Variants in FAAH2 observed in about 807,000 individuals in gnomAD.
FAAH2 encodes fatty-acid amide hydrolase 2.
In FAAH2, 60 loss-of-function variants were observed where a neutral mutation model predicts 36.9. The observed-to-expected ratio is 1.63, with a 90% CI of 1.32 to 2.02. FAAH2 has a LOEUF of 2.02. Ranked by LOEUF, FAAH2 falls within the 30% of genes most tolerant of loss-of-function variation. The pLI is 0.00. For missense variants in FAAH2, 689 were observed against 397.5 expected (o/e 1.73, Z -6.23); for synonymous variants, 214 against 143.8 (o/e 1.49, Z -3.49).
chrX:57,344,891 T>C (rs942474475), intron 5 of FAAH2, among the ~76,000 whole-genome samples: 2 of 111,743 alleles, frequency 1.8e-5, no homozygotes, highest in African/African-American at 6.5e-5. Context: ...ATCACTTTTT[T>C]TTATTTGCTT....
chrX:57,137,026 T>G, the FAAH2 span: 51 of 829,925 alleles, frequency 6.1e-5, no homozygotes, highest in Middle Eastern at 6.4e-4. Flanking sequence ...GTTACCTACC[T>G]CCCTTGCTTC....
At chrX:57,302,159 A>G (rs1416348513) in intron 2 of FAAH2, among the ~76,000 whole-genome samples, 1 of 111,769 alleles carries the variant, frequency 8.9e-6, no homozygotes, top group Non-Finnish European at 1.9e-5. Context: ...CCTAGAGTCC[A>G]GAGATGTCAA....
chrX:57,428,007 G>T (rs1038347117), intron 7 of FAAH2, among the ~76,000 whole-genome samples: 7 of 111,490 alleles, frequency 6.3e-5, no homozygotes, highest in Non-Finnish European at 1.3e-4. Flanking sequence ...AAACTTTAAA[G>T]ACTCTACCCC....
At chrX:57,234,853 C>A in the FAAH2 span, among the ~76,000 whole-genome samples, 4 of 111,777 alleles carry the variant, frequency 3.6e-5, no homozygotes, top group African/African-American at 9.8e-5. Flanking sequence ...TTGAGACCAA[C>A]ATGGCAAAAC....
At chrX:57,193,185 C>G in the FAAH2 span, among the ~76,000 whole-genome samples, 4 of 111,865 alleles carry the variant, frequency 3.6e-5, no homozygotes, top group East Asian at 8.5e-4. Flanking sequence ...GAATGTGCCC[C>G]TGAGGGTAGG....
chrX:57,186,776 C>A, the FAAH2 span, among the ~76,000 whole-genome samples: 1 of 112,110 alleles, frequency 8.9e-6, no homozygotes, highest in Admixed American at 9.4e-5. Flanking sequence ...CTGTTTTCTG[C>A]ATATGGCTAG....
chrX:57,347,476 T>A (rs1025514412), intron 5 of FAAH2, among the ~76,000 whole-genome samples: 1 of 111,085 alleles, frequency 9.0e-6, no homozygotes, highest in East Asian at 2.8e-4. Context: ...TTTAATGGAT[T>A]CCCTGGATTC....
At chrX:57,384,054 A>G (rs1480927424) in intron 7 of FAAH2, among the ~76,000 whole-genome samples, 5 of 111,917 alleles carry the variant, frequency 4.5e-5, no homozygotes, top group African/African-American at 1.6e-4. Context: ...GACAAGCCTG[A>G]CAAAAACAAG....
rs2056733021 is a variant in FAAH2 at position 57,448,847 on chromosome X, G to A, written c.1423+129G>A. 8.6e-6 allele frequency: 5 copies of A among 579,176 alleles called. No individual in the cohort carries two copies. In the Admixed American group the frequency reaches 1.1e-4, roughly 13 times the overall value. The allele number at this position is 579,176 out of a possible 1,213,427, so 47.7% of individuals were successfully genotyped here. ...GCAGGTATAAAAGTGCTGTGTGATT[G>A]AAAACTCCAGAAAACAGTTGCTAAT... is the stretch of plus-strand genomic sequence containing the variant. On this transcript the variant is annotated intron_variant, in intron 10 of 10. Coordinates refer to ENST00000374900, the MANE Select transcript of FAAH2 (RefSeq NM_174912.4).
intron 7 of FAAH2, among the ~76,000 whole-genome samples, chrX:57,384,563 C>T (rs1237898614): frequency 9.0e-6 from 1 of 111,431 alleles, no homozygotes; most frequent in Non-Finnish European, 1.9e-5. Flanking sequence ...AGCCAAAAGA[C>T]ACATGAAAAA....
intron 3 of FAAH2, among the ~76,000 whole-genome samples, chrX:57,320,178 T>C (rs989536739): frequency 8.9e-6 from 1 of 111,823 alleles, no homozygotes; most frequent in African/African-American, 3.3e-5. Context: ...TGGGATCTAA[T>C]TAAACTAAAG....
the FAAH2 span, among the ~76,000 whole-genome samples, chrX:57,266,423 G>A: frequency 8.9e-6 from 1 of 112,193 alleles, no homozygotes; most frequent in African/African-American, 3.2e-5. Context: ...TCCTCACCAG[G>A]CAGGTCCTCC....
At chrX:57,302,665 C>G (rs895149845) in intron 2 of FAAH2, among the ~76,000 whole-genome samples, 1 of 111,115 alleles carries the variant, frequency 9.0e-6, no homozygotes, top group African/African-American at 3.3e-5. Flanking sequence ...GGGTAGAATC[C>G]TCCTTGGATT....
At chrX:57,205,719 G>T in the FAAH2 span, among the ~76,000 whole-genome samples, 1 of 112,227 alleles carries the variant, frequency 8.9e-6, no homozygotes, top group African/African-American at 3.2e-5. Context: ...TTTAAATTTA[G>T]TTATTTTATG....
intron 7 of FAAH2, among the ~76,000 whole-genome samples, chrX:57,401,072 G>A (rs570962386): frequency 8.1e-5 from 9 of 111,704 alleles, no homozygotes; most frequent in South Asian, 7.6e-4. Context: ...GCAGTCAGCC[G>A]AGATCATGCC....
chrX:57,240,350 G>A, the FAAH2 span, among the ~76,000 whole-genome samples: 1 of 111,530 alleles, frequency 9.0e-6, no homozygotes, highest in Non-Finnish European at 1.9e-5. Context: ...GATGGTACCA[G>A]GCCTGTGATT....
the FAAH2 span, among the ~76,000 whole-genome samples, chrX:57,179,673 G>A: frequency 6.0e-4 from 67 of 111,624 alleles, no homozygotes; most frequent in Non-Finnish European, 1.0e-3. Context: ...AATAGTGGGA[G>A]TCTTCAGCAA....
intron 8 of FAAH2, among the ~76,000 whole-genome samples, chrX:57,443,147 A>T (rs2056599799): frequency 8.9e-6 from 1 of 111,775 alleles, no homozygotes; most frequent in Admixed American, 9.5e-5. Context: ...CCTGAATTTG[A>T]ATGTTGGCCT....
the FAAH2 span, among the ~76,000 whole-genome samples, chrX:57,258,050 A>G: frequency 8.9e-6 from 1 of 112,011 alleles, no homozygotes; most frequent in African/African-American, 3.2e-5. Flanking sequence ...AAATTATATT[A>G]TACAATTATA....
Sources: gnomAD v4.1 joint callset for allele counts (sites outside exome capture counted in the v4.1 genomes callset) on GRCh38, gnomAD v4.1.1 for gene constraint, MANE v1.5 for transcripts, NCBI Gene and HGNC (gene_info 2026-07-23, HGNC 2026-07-21) for gene names.